Variants in KYNU observed in about 807,000 individuals in gnomAD.
KYNU encodes the protein L-kynurenine hydrolase.
KYNU carries 54 observed loss-of-function variants against 59.2 expected under a neutral mutation model. The observed-to-expected ratio is 0.91, with a 90% CI of 0.73 to 1.14. The LOEUF is 1.14. Among genes scored for constraint, KYNU ranks in the 50% most tolerant of loss-of-function variants. The pLI, the probability that KYNU is intolerant of heterozygous loss-of-function variation, is 0.00. For missense variants in KYNU, 567 were observed against 554.4 expected (o/e 1.02, Z -0.23); for synonymous variants, 177 against 192.0 (o/e 0.92, Z 0.65).
At chr2:142,991,930 T>C (rs1685408612) in intron 10 of KYNU, among the ~76,000 whole-genome samples, 2 of 151,960 alleles carry the variant, frequency 1.3e-5, no homozygotes, top group Non-Finnish European at 1.5e-5. Context: ...AAGGAAAATA[T>C]TCACTAATAA....
intron 4 of KYNU, among the ~76,000 whole-genome samples, chr2:142,940,228 C>T (rs534760383): frequency 9.9e-5 from 15 of 152,210 alleles, no homozygotes; most frequent in African/African-American, 2.4e-4. Context: ...TTAATTTGAC[C>T]GGAGAATATG....
At position 142,984,316 on chromosome 2, in the gene KYNU, G is replaced by T. The variant is rs565029736; in HGVS notation, c.730-768G>T. 3.9e-5 allele frequency among the ~76,000 whole-genome samples: 6 copies of T among 152,092 alleles called. No individual in the cohort carries two copies. The South Asian group carries it at 1.2e-3, about 32-fold the overall frequency. On this transcript the variant is annotated intron_variant, in intron 8 of 13. Coordinates refer to ENST00000264170, the MANE Select transcript of KYNU (RefSeq NM_003937.3). ...AGAATTATCTCAATAATGGGAGCTA[G>T]TCATACTCATGGAAGTGGATACAAG...
chr2:142,882,598 C>T (rs139862455), intron 1 of KYNU, among the ~76,000 whole-genome samples: 36 of 152,140 alleles, frequency 2.4e-4, no homozygotes, highest in South Asian at 8.3e-4. Flanking sequence ...TCTGTCCTTG[C>T]GATAGTTTGC....
intron 3 of KYNU, among the ~76,000 whole-genome samples, chr2:142,925,533 C>A (rs150492775): frequency 6.6e-6 from 1 of 152,282 alleles, no homozygotes; most frequent in Non-Finnish European, 1.5e-5. Context: ...TCATTTATTT[C>A]TCATGGGAAT....
intron 8 of KYNU, among the ~76,000 whole-genome samples, chr2:142,964,054 T>A (rs1684443777): frequency 6.6e-6 from 1 of 152,098 alleles, no homozygotes; most frequent in Non-Finnish European, 1.5e-5. Context: ...TTTTTGTGTT[T>A]GGCTTATTTG....
chr2:142,934,911 C>T (rs1189537997), intron 4 of KYNU, among the ~76,000 whole-genome samples: 2 of 152,172 alleles, frequency 1.3e-5, no homozygotes, highest in Non-Finnish European at 2.9e-5. Context: ...ATTGTCTGGA[C>T]CAGTAGCCTT....
intron 10 of KYNU, among the ~76,000 whole-genome samples, chr2:142,995,619 C>T (rs1484988238): frequency 2.0e-5 from 3 of 152,032 alleles, no homozygotes; most frequent in Non-Finnish European, 4.4e-5. Context: ...GCATGGCATG[C>T]CATGCCAAGC....
At chr2:142,950,770 G>A (rs1683964623) in intron 4 of KYNU, among the ~76,000 whole-genome samples, 1 of 152,200 alleles carries the variant, frequency 6.6e-6, no homozygotes, top group Non-Finnish European at 1.5e-5. Context: ...CAACTTGGCT[G>A]TTTGGCACAA....
At chr2:143,039,885 A>G (rs1406343972) in intron 12 of KYNU, among the ~76,000 whole-genome samples, 1 of 152,062 alleles carries the variant, frequency 6.6e-6, no homozygotes, top group African/African-American at 2.4e-5. Flanking sequence ...TAGACCTTCA[A>G]TAAACTTGTT....
Position 142,984,842 on chromosome 2 carries a change from A to G in KYNU, c.730-242A>G, listed in dbSNP as rs148575389. ...ACCCATCACTGCTTTTGCATTATCA[A>G]TGCAAGTGTCAATTCAGCAAAAAAG... On this transcript the variant is annotated intron_variant, in intron 8 of 13. Transcript: ENST00000264170. Among the ~76,000 whole-genome samples the G allele has an allele frequency of 3.1e-3, 476 of 152,094 alleles. 1 individual carries two copies. Among genetic ancestry groups the G allele is most frequent in the African/African-American group, 0.01 (418 of 41,524 alleles).
intron 4 of KYNU, among the ~76,000 whole-genome samples, chr2:142,951,184 C>G (rs1053029956): frequency 6.6e-6 from 1 of 152,202 alleles, no homozygotes; most frequent in African/African-American, 2.4e-5. Context: ...TGAGCACATT[C>G]TTTTGGAAAA....
chr2:142,899,163 G>A (rs530821943), intron 2 of KYNU, among the ~76,000 whole-genome samples: 20 of 152,234 alleles, frequency 1.3e-4, no homozygotes, highest in Non-Finnish European at 2.5e-4. Flanking sequence ...CCAGAAGAGC[G>A]TGCAGTTGCA....
chr2:143,016,424 T>C (rs1467167233), intron 10 of KYNU, among the ~76,000 whole-genome samples: 1 of 152,236 alleles, frequency 6.6e-6, no homozygotes, highest in Non-Finnish European at 1.5e-5. Context: ...ATTTTCTCAG[T>C]GGACATGAAT....
chr2:143,031,407 G>A (rs1050274667), intron 11 of KYNU, among the ~76,000 whole-genome samples: 2 of 152,120 alleles, frequency 1.3e-5, no homozygotes, highest in Admixed American at 6.5e-5. Context: ...GAAAGATTGT[G>A]GCTATGTTTT....
At chr2:142,994,334 T>C (rs1270462134) in intron 10 of KYNU, among the ~76,000 whole-genome samples, 7 of 152,084 alleles carry the variant, frequency 4.6e-5, no homozygotes, top group Non-Finnish European at 8.8e-5. Context: ...ATACTTGGAA[T>C]ATATTACTCA....
At chr2:143,039,555 G>T (rs772657706) in intron 12 of KYNU, among the ~76,000 whole-genome samples, 1 of 152,012 alleles carries the variant, frequency 6.6e-6, no homozygotes, top group Non-Finnish European at 1.5e-5. Flanking sequence ...TGAGGGTTGG[G>T]CTGCTATTTC....
In KYNU at chr2:142,913,856, T is replaced by A. The variant is rs541322596; in HGVS notation, c.170-4753T>A. ...TTTCATAGGTCTAGAAGTACTTGTT[T>A]TATGAATCTGGGTGCTCCAGTGTTT... On this transcript the variant is annotated intron_variant, in intron 2 of 13. Coordinates refer to ENST00000264170, the MANE Select transcript of KYNU (RefSeq NM_003937.3). Among the ~76,000 whole-genome samples the A allele has an allele frequency of 9.2e-5, 14 of 152,362 alleles. No homozygotes were observed. The South Asian group carries it at 1.4e-3, about 16-fold the overall frequency.
chr2:142,911,367 T>C (rs889519622), intron 2 of KYNU, among the ~76,000 whole-genome samples: 1 of 152,186 alleles, frequency 6.6e-6, no homozygotes, highest in Non-Finnish European at 1.5e-5. Context: ...AGCTTAAACA[T>C]TCTTGGCATA....
At position 142,904,473 on chromosome 2, in the gene KYNU, T is replaced by A. The variant is rs148271062; in HGVS notation, c.170-14136T>A. On this transcript the variant is annotated intron_variant, in intron 2 of 13. Transcript: ENST00000264170. ...TCACCAAACTCTCAGGCTGCAGTTA[T>A]GGCAGCACTTCTCTCATTTGGGATT... Among the ~76,000 whole-genome samples the A allele has an allele frequency of 5.3e-5, 8 of 152,348 alleles. No homozygotes were observed. In the East Asian group the frequency reaches 1.3e-3, roughly 26 times the overall value.
Sources: gnomAD v4.1 joint callset for allele counts (sites outside exome capture counted in the v4.1 genomes callset) on GRCh38, gnomAD v4.1.1 for gene constraint, MANE v1.5 for transcripts, NCBI Gene and HGNC (gene_info 2026-07-23, HGNC 2026-07-21) for gene names.